ST6GAL2: variants seen among roughly 807,000 people sequenced by gnomAD.
The protein encoded by ST6GAL2 is beta-galactoside alpha-2,6-sialyltransferase 2.
ST6GAL2 carries 24 observed loss-of-function variants against 37.5 expected under a neutral mutation model. The observed-to-expected ratio is 0.64, with a 90% CI of 0.46 to 0.90. The LOEUF (loss-of-function observed/expected upper bound fraction) is 0.90, where lower values mean the gene tolerates loss of function less well. Among genes scored for constraint, ST6GAL2 ranks in the 40% least tolerant of loss-of-function variants. The pLI, the probability that ST6GAL2 is intolerant of heterozygous loss-of-function variation, is 0.00. For missense variants in ST6GAL2, 715 were observed against 712.7 expected (o/e 1.00, Z -0.04); for synonymous variants, 306 against 295.1 (o/e 1.04, Z -0.38).
At chr2:106,867,188 C>G (rs549395016) in intron 1 of ST6GAL2, among the ~76,000 whole-genome samples, 1 of 152,080 alleles carries the variant, frequency 6.6e-6, no homozygotes, top group Non-Finnish European at 1.5e-5. Flanking sequence ...CACAGGGTCC[C>G]ACAGCCAGCC....
chr2:106,865,999 G>A (rs1363781926), intron 1 of ST6GAL2, among the ~76,000 whole-genome samples: 1 of 152,158 alleles, frequency 6.6e-6, no homozygotes, highest in Non-Finnish European at 1.5e-5. Flanking sequence ...CCACAATAGA[G>A]CCATCACATT....
chr2:106,816,428 TATC>T (rs1238188278), intron 5 of ST6GAL2, among the ~76,000 whole-genome samples: 12 of 152,220 alleles, frequency 7.9e-5, no homozygotes, highest in African/African-American at 2.7e-4. Context: ...GAAAAATAAT[TATC>T]AATAATTGAT....
chr2:106,854,948 C>A (rs1205721370), intron 1 of ST6GAL2, among the ~76,000 whole-genome samples: 2 of 149,494 alleles, frequency 1.3e-5, no homozygotes, highest in Non-Finnish European at 3.0e-5. Flanking sequence ...AAAAAGACCT[C>A]TCTCTAGTGT....
upstream of ST6GAL2, chr2:106,887,134 A>G (rs904393032): frequency 6.7e-6 from 1 of 149,830 alleles, no homozygotes; most frequent in Non-Finnish European, 1.5e-5. Flanking sequence ...CCTGTCCAAC[A>G]CCTCCCCCCG....
intron 5 of ST6GAL2, among the ~76,000 whole-genome samples, chr2:106,820,434 A>G (rs1218723687): frequency 6.6e-6 from 1 of 152,126 alleles, no homozygotes; most frequent in Non-Finnish European, 1.5e-5. Flanking sequence ...AGATATAGCA[A>G]TTGTAAATAT....
intron 5 of ST6GAL2, chr2:106,813,174 G>T (rs1271761670): frequency 7.5e-7 from 1 of 1,331,586 alleles, no homozygotes. Flanking sequence ...GTGCAGTCGC[G>T]TGATCTCGGC....
intron 5 of ST6GAL2, among the ~76,000 whole-genome samples, chr2:106,823,442 A>AAAACACACACACACACAC (rs1676078299): frequency 9.9e-6 from 1 of 101,510 alleles, no homozygotes; most frequent in East Asian, 2.4e-4. Flanking sequence ...CCCAGCAGAA[A>AAAACACACACACACACAC]ACACACACAC....
chr2:106,825,035 A>C (rs2104450540), intron 5 of ST6GAL2: 1 of 152,302 alleles, frequency 6.6e-6, no homozygotes, highest in East Asian at 1.9e-4. Flanking sequence ...GGCAACTCAA[A>C]AACACTAGGG....
At chr2:106,882,576 C>G (rs1168466884) in intron 1 of ST6GAL2, among the ~76,000 whole-genome samples, 1 of 152,200 alleles carries the variant, frequency 6.6e-6, no homozygotes, top group African/African-American at 2.4e-5. Flanking sequence ...CCACAACTTA[C>G]AATTATCAGT....
intron 4 of ST6GAL2, among the ~76,000 whole-genome samples, chr2:106,831,128 A>G (rs1181572894): frequency 6.6e-6 from 1 of 152,222 alleles, no homozygotes; most frequent in Non-Finnish European, 1.5e-5. Flanking sequence ...TCCACTAGTG[A>G]AATGGCACTG....
At chr2:106,871,689 G>A (rs1004222492) in intron 1 of ST6GAL2, among the ~76,000 whole-genome samples, 4 of 152,114 alleles carry the variant, frequency 2.6e-5, no homozygotes, top group Admixed American at 2.6e-4. Context: ...ACAGGGTCAT[G>A]GTCATCAACA....
chr2:106,882,226 A>G (rs1308729566), intron 1 of ST6GAL2, among the ~76,000 whole-genome samples: 4 of 152,202 alleles, frequency 2.6e-5, no homozygotes, highest in Non-Finnish European at 4.4e-5. Context: ...ATGAAAACTG[A>G]TAGTCTTAGT....
chr2:106,813,641 A>G (rs1675693099), intron 5 of ST6GAL2, among the ~76,000 whole-genome samples: 1 of 152,248 alleles, frequency 6.6e-6, no homozygotes, highest in Non-Finnish European at 1.5e-5. Flanking sequence ...AATATTTAAA[A>G]TAACATCCCA....
chr2:106,883,469 T>C (rs1404442813), intron 1 of ST6GAL2, among the ~76,000 whole-genome samples: 2 of 152,214 alleles, frequency 1.3e-5, no homozygotes, highest in African/African-American at 2.4e-5. Context: ...GTAAGAACAT[T>C]GAAAATTTCT....
intron 5 of ST6GAL2, among the ~76,000 whole-genome samples, chr2:106,816,489 A>T (rs1675806175): frequency 6.6e-6 from 1 of 152,150 alleles, no homozygotes; most frequent in African/African-American, 2.4e-5. Flanking sequence ...TAAATAGTCA[A>T]CTCTAATAAT....
rs142170978 is a variant in ST6GAL2, at chr2:106,833,983, T to C, written c.1041+66A>G. On this transcript the variant is annotated intron_variant, in intron 3 of 5. Transcript: ENST00000409382. ...CTCTTCACTCATCCGGTTAAACTCA[T>C]TTCTCTTCACTCATCCAGTTAAACC... 135 of 1,222,180 alleles carry C rather than the reference T, an allele frequency of 1.1e-4. No individual in the cohort carries two copies. The East Asian group carries it at 3.1e-3, about 28-fold the overall frequency. 75.7% of individuals were successfully genotyped at this position (1,222,180 alleles called of 1,614,324 possible). A position where few individuals can be genotyped will look rare whatever the true frequency, so the allele number is the denominator to read the frequency against.
At chr2:106,886,373 G>A (rs114574216), upstream of ST6GAL2, 17,332 of 152,138 alleles carry the variant, frequency 0.11, 1,188 homozygotes, top group African/African-American at 0.15. Flanking sequence ...TCCTGCCACC[G>A]TGGGGTCTCG....
chr2:106,863,296 T>C (rs1280391804), intron 1 of ST6GAL2, among the ~76,000 whole-genome samples: 1 of 152,164 alleles, frequency 6.6e-6, no homozygotes, highest in African/African-American at 2.4e-5. Flanking sequence ...TCTATTCCAC[T>C]CACGATATGC....
intron 5 of ST6GAL2, among the ~76,000 whole-genome samples, chr2:106,819,084 C>T (rs1249715158): frequency 2.0e-5 from 3 of 151,996 alleles, no homozygotes; most frequent in Admixed American, 6.6e-5. Context: ...GAATAAAGTA[C>T]ACCTGCAGGA....
Sources: gnomAD v4.1 joint callset for allele counts (sites outside exome capture counted in the v4.1 genomes callset) on GRCh38, gnomAD v4.1.1 for gene constraint, MANE v1.5 for transcripts, NCBI Gene and HGNC (gene_info 2026-07-23, HGNC 2026-07-21) for gene names.